The following RAPGEF2 variants were observed in gnomAD, a reference collection of about 807,000 sequenced individuals.
RAPGEF2 encodes the protein Rap guanine nucleotide exchange factor 2, also known as PDZ domain containing guanine nucleotide exchange factor (GEF) 1.
A neutral mutation model predicts 186.7 loss-of-function variants in RAPGEF2; 54 were observed. The ratio of observed to expected loss-of-function variants is 0.29; its 90% CI spans 0.23 to 0.36. RAPGEF2 has a LOEUF of 0.36. Among genes scored for constraint, RAPGEF2 ranks in the 10% least tolerant of loss-of-function variants. The pLI, the probability that RAPGEF2 is intolerant of heterozygous loss-of-function variation, is 1.00. For synonymous variants in RAPGEF2, 712 were observed against 705.9 expected (o/e 1.01, Z -0.14); for missense variants, 1,532 against 2,045.0 (o/e 0.75, Z 4.84).
At chr4:159,298,893 T>TC (rs1161368042) in intron 7 of RAPGEF2, among the ~76,000 whole-genome samples, 1 of 152,204 alleles carries the variant, frequency 6.6e-6, no homozygotes, top group Admixed American at 6.5e-5. Context: ...CTTCTCTAAG[T>TC]CCTTCACACC....
In RAPGEF2 at chr4:159,353,265, G is replaced by A. The variant is rs79509764; in HGVS notation, c.4092-222G>A. Among the ~76,000 whole-genome samples the A allele has an allele frequency of 0.035, 5,325 of 150,168 alleles. 239 individuals are homozygous for A. Among genetic ancestry groups the A allele is most frequent in the African/African-American group, 0.1 (4,141 of 40,732 alleles). On this transcript the variant is annotated intron_variant, in intron 27 of 29. Coordinates refer to ENST00000691494, the MANE Select transcript of RAPGEF2 (RefSeq NM_001394067.2). The surrounding 1 kb of genome is among the most constrained non-coding windows in gnomAD (Gnocchi z 4.3). ...GGAATTTTTTTTTTTTTAATGGCAC[G>A]TTGCGTTCTTTTCCCGCATGCCTGT...
intron 3 of RAPGEF2, among the ~76,000 whole-genome samples, chr4:159,194,929 G>C (rs949431106): frequency 6.6e-6 from 1 of 152,148 alleles, no homozygotes; most frequent in Non-Finnish European, 1.5e-5. Context: ...TCAGTAAGGA[G>C]ACAGTTACAG....
chr4:159,216,925 A>G (rs1026866369), intron 4 of RAPGEF2, among the ~76,000 whole-genome samples: 4 of 152,150 alleles, frequency 2.6e-5, no homozygotes, highest in African/African-American at 9.7e-5. Context: ...TTAACTAATC[A>G]GTTTGGAGAG....
chr4:159,271,564 G>A (rs576634430), intron 7 of RAPGEF2, among the ~76,000 whole-genome samples: 2 of 151,978 alleles, frequency 1.3e-5, no homozygotes, highest in East Asian at 3.9e-4. Flanking sequence ...TTTTTTTCAG[G>A]GACATATTAC....
In RAPGEF2 at chr4:159,350,246, G is replaced by C. The variant is rs1314209716; in HGVS notation, c.3822G>C (p.Gln1274His). ...ATACAATATCAAATGCATCTTCGCA[G>C]CTTTCTTCTCCTCCTACTTCTCCAC... The part of the protein sequence containing the change: ...AEDTISNASS[Q>H]LSSPPTSPQS... The change falls in exon 26 of 30, where the codon CAG (glutamine) becomes CAC (histidine). Residue 1274 changes from glutamine to histidine, a missense_variant. This residue lies in a region of RAPGEF2 where 594 missense variants were observed against 608.5 expected (regional missense o/e 0.98). Transcript: ENST00000691494. 1 of 1,599,804 alleles carries C rather than the reference G, an allele frequency of 6.3e-7. No homozygotes were observed. The highest frequency in any genetic ancestry group is 1.3e-5 in the African/African-American group (1 of 74,502).
chr4:159,277,052 T>C (rs1426233955), intron 7 of RAPGEF2, among the ~76,000 whole-genome samples: 1 of 151,878 alleles, frequency 6.6e-6, no homozygotes, highest in East Asian at 1.9e-4. Flanking sequence ...TAGGTATATC[T>C]CCTAATGCTA....
Position 159,104,527 on chromosome 4 carries a change from G to GAGAGAGAGAGAGAGA in RAPGEF2, c.69+296_69+297insAGAGAGAGAGAGAGA, listed in dbSNP as rs1560964822. 5.8e-4 allele frequency among the ~76,000 whole-genome samples: 51 copies of GAGAGAGAGAGAGAGA among 88,484 alleles called. 2 individuals carry two copies. Among genetic ancestry groups the GAGAGAGAGAGAGAGA allele is most frequent in the Admixed American group, 2.8e-3 (24 of 8,624 alleles). 58.0% of individuals were successfully genotyped at this position (88,484 alleles called of 152,430 possible). A position where few individuals can be genotyped will look rare whatever the true frequency, so the allele number is the denominator to read the frequency against. The stretch of plus-strand genomic sequence containing the variant: ...GAGAGAGAGAGAGAGAGAGAGAGAG[G>GAGAGAGAGAGAGAGA]GAGAGACAGAGAGAGAGAGAGAGAG... On this transcript the variant is annotated intron_variant, in intron 1 of 29. Transcript: ENST00000691494.
chr4:159,253,692 G>C (rs1040721133), intron 7 of RAPGEF2, among the ~76,000 whole-genome samples: 3 of 152,014 alleles, frequency 2.0e-5, no homozygotes, highest in Admixed American at 2.0e-4. Flanking sequence ...TCTGTGGCCA[G>C]GCGCGGTGGC....
At chr4:159,355,003 A>T (rs1029337151) in intron 28 of RAPGEF2, among the ~76,000 whole-genome samples, 5 of 152,220 alleles carry the variant, frequency 3.3e-5, no homozygotes, top group Non-Finnish European at 7.3e-5. Context: ...GTAAATAGTC[A>T]TGGGTAGATT....
chr4:159,350,132 T>C lies in RAPGEF2; in HGVS notation c.3713-5T>C. The C allele has an allele frequency of 6.7e-7, 1 of 1,503,190 alleles. No homozygotes were observed. Among genetic ancestry groups the C allele is most frequent in the Admixed American group, 2.3e-5 (1 of 44,234 alleles). The allele number at this position is 1,503,190 out of a possible 1,614,324, so 93.1% of individuals were successfully genotyped here. A position where few individuals can be genotyped will look rare whatever the true frequency, so the allele number is the denominator to read the frequency against. On this transcript the variant is annotated splice_polypyrimidine_tract_variant and splice_region_variant and intron_variant, in intron 25 of 29. Transcript: ENST00000691494. ...ATATTTAAGGTTTTTTTTTTTCCATTATAGGCATAAACTCTCCACAAGCTT... is the reference window on the plus strand; with the variant it reads ...ATATTTAAGGTTTTTTTTTTTCCATCATAGGCATAAACTCTCCACAAGCTT...
chr4:159,282,433 T>C (rs973128944), intron 7 of RAPGEF2: 4 of 215,488 alleles, frequency 1.9e-5, no homozygotes, highest in African/African-American at 9.5e-5. Flanking sequence ...TCGAGCTGCT[T>C]AGTAAGACCT....
chr4:159,263,451 G>C (rs747767308), intron 7 of RAPGEF2, among the ~76,000 whole-genome samples: 2 of 152,060 alleles, frequency 1.3e-5, no homozygotes, highest in African/African-American at 4.8e-5. Flanking sequence ...TTGTTTTCTC[G>C]TATCAAAGAA....
At chr4:159,116,782 C>G (rs1396090906) in intron 1 of RAPGEF2, among the ~76,000 whole-genome samples, 1 of 152,172 alleles carries the variant, frequency 6.6e-6, no homozygotes, top group Non-Finnish European at 1.5e-5. Flanking sequence ...CCATTATCCT[C>G]AGTAAACTAA....
intron 3 of RAPGEF2, among the ~76,000 whole-genome samples, chr4:159,207,275 A>G (rs1750087627): frequency 6.6e-6 from 1 of 152,222 alleles, no homozygotes; most frequent in Admixed American, 6.5e-5. Flanking sequence ...AACCCTAAAT[A>G]TAGGCTAATC....
At position 159,210,501 on chromosome 4, in the gene RAPGEF2, C is replaced by A; in HGVS notation, c.199C>A (p.Pro67Thr). The change falls in exon 4 of 30, where the codon CCT (proline) becomes ACT (threonine). Residue 67 changes from proline (P) to threonine (T), a missense_variant and splice_region_variant. Coordinates refer to ENST00000691494, the MANE Select transcript of RAPGEF2 (RefSeq NM_001394067.2). ...GATTCTGTTACCTTTTCTTTTCAGC[C>A]CTGATGATATTGGGACCTGCTGGTA... ...RHEANEVLYY[P>T]DDIGTCWYIL... 1 of 1,529,140 alleles carries A rather than the reference C, an allele frequency of 6.5e-7. No individual in the cohort carries two copies. Among genetic ancestry groups the A allele is most frequent in the Non-Finnish European group, 8.8e-7 (1 of 1,141,214 alleles). 94.7% of individuals were successfully genotyped at this position (1,529,140 alleles called of 1,614,324 possible). A position where few individuals can be genotyped will look rare whatever the true frequency, so the allele number is the denominator to read the frequency against.
At chr4:159,333,528 C>T (rs1766988555) in intron 17 of RAPGEF2, among the ~76,000 whole-genome samples, 1 of 152,194 alleles carries the variant, frequency 6.6e-6, no homozygotes, top group Non-Finnish European at 1.5e-5. Flanking sequence ...GAACTCCTTT[C>T]ATTTTTCCCA....
At chr4:159,280,701 C>T (rs1579742078) in intron 7 of RAPGEF2, among the ~76,000 whole-genome samples, 1 of 152,232 alleles carries the variant, frequency 6.6e-6, no homozygotes, top group South Asian at 2.1e-4. Flanking sequence ...AACCCTGAGC[C>T]TGAGAACAAA....
intron 1 of RAPGEF2, among the ~76,000 whole-genome samples, chr4:159,148,270 A>G (rs970931200): frequency 2.6e-5 from 4 of 152,188 alleles, no homozygotes; most frequent in Admixed American, 6.5e-5. Flanking sequence ...AGTTTTATTG[A>G]CCCTGAGTGC....
chr4:159,260,115 G>A (rs1756633843), intron 7 of RAPGEF2, among the ~76,000 whole-genome samples: 1 of 152,072 alleles, frequency 6.6e-6, no homozygotes, highest in South Asian at 2.1e-4. Context: ...CACCTCACAA[G>A]TAGCTGGTAT....
Sources: gnomAD v4.1 joint callset for allele counts (sites outside exome capture counted in the v4.1 genomes callset) on GRCh38, gnomAD v4.1.1 for gene constraint, gnomAD v4.1.1 regional missense constraint, Gnocchi (gnomAD v3.1) non-coding constraint, MANE v1.5 for transcripts, NCBI Gene and HGNC (gene_info 2026-07-23, HGNC 2026-07-21) for gene names.